The following AHCTF1 variants were observed in gnomAD, a reference collection of about 807,000 sequenced individuals.
AHCTF1 encodes the protein protein ELYS.
A neutral mutation model predicts 248.4 loss-of-function variants in AHCTF1; 24 were observed. The observed-to-expected ratio is 0.10, with a 90% confidence interval of 0.07 to 0.14. The LOEUF (loss-of-function observed/expected upper bound fraction) is 0.14, where lower values mean the gene tolerates loss of function less well. AHCTF1 is among the 10% of genes least tolerant of loss of function. The pLI, the probability that AHCTF1 is intolerant of heterozygous loss-of-function variation, is 1.00. For missense variants in AHCTF1, 2,206 were observed against 2,636.2 expected, an observed-to-expected ratio of 0.84 and a Z score of 3.57; for synonymous variants, 786 against 929.8, an observed-to-expected ratio of 0.85 and a Z score of 2.81.
chr1:246,853,655 A>C (rs897377760), intron 31 of AHCTF1, among the ~76,000 whole-genome samples: 1 of 149,744 alleles, frequency 6.7e-6, no homozygotes, highest in African/African-American at 2.6e-5. Context: ...ACAGAATTAC[A>C]TGAGGAACAT....
chr1:246,897,830 G>A (rs1397153166), intron 12 of AHCTF1, among the ~76,000 whole-genome samples: 1 of 151,340 alleles, frequency 6.6e-6, no homozygotes, highest in East Asian at 1.9e-4. Flanking sequence ...AAAAAAAAAA[G>A]GGCTAAGCAT....
Position 246,922,840 on chromosome 1 carries a change from G to A in AHCTF1, c.-7-4463C>T, listed in dbSNP as rs1160536396. Among the ~76,000 whole-genome samples, 21 of 151,050 alleles carry A rather than the reference G, an allele frequency of 1.4e-4. 1 individual carries two copies. Among genetic ancestry groups the A allele is most frequent in the African/African-American group, 3.6e-4 (15 of 41,208 alleles). On this transcript the variant is annotated intron_variant, in intron 1 of 35. Coordinates refer to ENST00000648844, the MANE Select transcript of AHCTF1 (RefSeq NM_001323342.2). ...TACTAAAAATACAAAAAAAATAGCC[G>A]GGCGTGGTGGCAGGCGCCTGTAGTC...
At position 246,842,750 on chromosome 1, in the gene AHCTF1, A is replaced by G. The variant is rs1659973000; in HGVS notation, c.6552T>C (p.Thr2184=). The G allele has an allele frequency of 3.1e-6, 5 of 1,613,628 alleles. No individual in the cohort carries two copies. In the South Asian group the frequency reaches 5.5e-5, roughly 18 times the overall value. The change falls in exon 35 of 36, where the codon ACT becomes ACC. Residue 2184 remains threonine (T), a synonymous_variant. Coordinates refer to ENST00000648844, the MANE Select transcript of AHCTF1 (RefSeq NM_001323342.2). ...ELKDDAQSVE[T]LGKPKAKRIR... ...TTCGTTTCGCTTTTGGCTTTCCCAG[A>G]GTTTCTACTGATTGTGCATCATCTT...
At chr1:246,887,464 G>C (rs1663904207) in intron 19 of AHCTF1, 107 bp from the exon 20 acceptor site, 1 of 1,154,656 alleles carries the variant, frequency 8.7e-7, no homozygotes, top group Admixed American at 2.6e-5. Flanking sequence ...GACTTGAAAT[G>C]CCTGTTTTTA....
chr1:246,908,946 A>C (rs1665591293), intron 4 of AHCTF1, among the ~76,000 whole-genome samples: 1 of 151,504 alleles, frequency 6.6e-6, no homozygotes, highest in Non-Finnish European at 1.5e-5. Context: ...AATTAGCTCA[A>C]AGTAAGGTTT....
Position 246,855,788 on chromosome 1 carries a change from G to A in AHCTF1, c.4296C>T (p.Asp1432=), listed in dbSNP as rs188287011. The A allele has an allele frequency of 1.9e-4, 303 of 1,613,076 alleles. No homozygotes were observed. The highest frequency in any genetic ancestry group is 6.6e-4 in the Middle Eastern group (4 of 6,056). The part of the protein sequence containing the change: ...FTQKSKVPVL[D]EGLTSVETYT... The stretch of plus-strand genomic sequence containing the variant: ...AGGTTTCAACAGATGTTAATCCTTC[G>A]TCCAACACTGGTACCTTGGACTTCT... The change falls in exon 31 of 36, where the codon GAC becomes GAT. Residue 1432 remains aspartate, a synonymous_variant. Transcript: ENST00000648844.
In AHCTF1 at chr1:246,841,700, C is replaced by T. The variant is rs185481876; in HGVS notation, c.6609-702G>A. On this transcript the variant is annotated intron_variant, in intron 35 of 35. Transcript: ENST00000648844. ...CCTGACAAAGAGGTAAACCATCCCA[C>T]TTCCCTTTCCTACTTTTTCTGCAAA... 5.9e-5 allele frequency among the ~76,000 whole-genome samples: 9 copies of T among 152,340 alleles called. No individual in the cohort carries two copies. In the East Asian group the frequency reaches 1.2e-3, roughly 20 times the overall value.
chr1:246,881,706 C>T (rs1160060221), intron 21 of AHCTF1, among the ~76,000 whole-genome samples: 9 of 151,490 alleles, frequency 5.9e-5, no homozygotes, highest in Admixed American at 2.6e-4. Context: ...GGCATGATGG[C>T]GGGCACCTGT....
chr1:246,875,902 C>A, intron 24 of AHCTF1, 135 bp downstream of exon 24: 4 of 856,036 alleles, frequency 4.7e-6, no homozygotes, highest in Non-Finnish European at 7.0e-6. Context: ...GATCTGGAAC[C>A]AAACCAGCAA....
At chr1:246,864,542 T>C (rs1183522242) in intron 26 of AHCTF1, among the ~76,000 whole-genome samples, 1 of 152,168 alleles carries the variant, frequency 6.6e-6, no homozygotes, top group Non-Finnish European at 1.5e-5. Context: ...ATAATGAATA[T>C]TGGTTCATTT....
At chr1:246,931,133 G>A (rs1010301102) in intron 1 of AHCTF1, 1 of 1,549,848 alleles carries the variant, frequency 6.5e-7, no homozygotes, top group Non-Finnish European at 8.7e-7. Context: ...ACTCACTGTG[G>A]CCAGGCCCAA....
chr1:246,874,327 A>G (rs546238144), intron 24 of AHCTF1, among the ~76,000 whole-genome samples: 2 of 152,300 alleles, frequency 1.3e-5, no homozygotes, highest in African/African-American at 4.8e-5. Flanking sequence ...CTTCAGACAA[A>G]TACGTGTCCC....
chr1:246,863,364 T>A (rs1661715723), intron 27 of AHCTF1, among the ~76,000 whole-genome samples: 1 of 149,632 alleles, frequency 6.7e-6, no homozygotes. Flanking sequence ...GCTAGGGAGA[T>A]AGTATGTTTA....
chr1:246,917,192 A>C (rs1666208734), intron 2 of AHCTF1, among the ~76,000 whole-genome samples: 1 of 152,216 alleles, frequency 6.6e-6, no homozygotes, highest in South Asian at 2.1e-4. Context: ...TAGGTGACCG[A>C]ATAGAGAAAA....
chr1:246,903,391 G>A (rs1314454493), intron 7 of AHCTF1, among the ~76,000 whole-genome samples: 1 of 152,148 alleles, frequency 6.6e-6, no homozygotes, highest in Non-Finnish European at 1.5e-5. Context: ...TAAGCCACAA[G>A]CTTGAATCTA....
chr1:246,877,249 A>G lies in AHCTF1; in HGVS notation c.2714T>C (p.Ile905Thr). The G allele has an allele frequency of 2.5e-6, 4 of 1,612,154 alleles. No homozygotes were observed. Among genetic ancestry groups the G allele is most frequent in the Non-Finnish European group, 3.4e-6 (4 of 1,179,418 alleles). The change falls in exon 22 of 36, where the codon ATA becomes ACA. Residue 905 changes from isoleucine (I) to threonine (T), a missense_variant. Physicochemically the swap from Ile to Thr is moderately conservative, Grantham distance 89. Coordinates refer to ENST00000648844, the MANE Select transcript of AHCTF1 (RefSeq NM_001323342.2). ...ATACATGTGCTTCAGTAACTCCTCTATATTCAACCTATTGCAATGTTGCCG... is the reference window on the plus strand; with the variant it reads ...ATACATGTGCTTCAGTAACTCCTCTGTATTCAACCTATTGCAATGTTGCCG... ...FLRQHCNRLN[I>T]EELLKHMYEV...
chr1:246,891,486 C>A (rs1271100925), intron 15 of AHCTF1, among the ~76,000 whole-genome samples: 2 of 152,022 alleles, frequency 1.3e-5, no homozygotes, highest in East Asian at 1.9e-4. Context: ...TTTATGAGTT[C>A]TTTGAATAAA....
rs1558212024 is a variant in AHCTF1, at chr1:246,851,016, T to G, written c.4990A>C (p.Ile1664Leu). ...AAATTTTCTGCAATTGCTACTTTAA[T>G]AGGTTCAGGCACATATGGTAAAGTG... is the stretch of plus-strand genomic sequence containing the variant. ...VDTLPYVPEP[I>L]KVAIAENLLD... The change falls in exon 33 of 36, where the codon ATT (isoleucine) becomes CTT (leucine). Residue 1664 changes from isoleucine to leucine, a missense_variant. Coordinates refer to ENST00000648844, the MANE Select transcript of AHCTF1 (RefSeq NM_001323342.2). 1.9e-5 allele frequency: 31 copies of G among 1,613,996 alleles called. No individual in the cohort carries two copies. The highest frequency in any genetic ancestry group is 2.6e-5 in the Non-Finnish European group (31 of 1,179,870).
Position 246,912,420 on chromosome 1 carries a change from T to C in AHCTF1, c.556+812A>G, listed in dbSNP as rs562750633. Among the ~76,000 whole-genome samples the C allele has an allele frequency of 2.1e-4, 32 of 151,352 alleles. No homozygotes were observed. In the Middle Eastern group the frequency reaches 0.01, roughly 49 times the overall value. On this transcript the variant is annotated intron_variant, in intron 4 of 35. Transcript: ENST00000648844. ...ATTGCTTGAACACGGGAGGCGGAGG[T>C]TGCAGTGAGCAGGGATTACGCCACT...
Sources: allele counts gnomAD v4.1 joint callset (sites outside exome capture counted in the v4.1 genomes callset), GRCh38; gene constraint gnomAD v4.1.1; transcripts MANE v1.5; gene names NCBI Gene and HGNC (gene_info 2026-07-23, HGNC 2026-07-21).